The following TENM3 variants were observed in gnomAD, a reference collection of about 807,000 sequenced individuals.
TENM3 encodes teneurin transmembrane protein 3, also known as teneurin-3.
In TENM3, 63 loss-of-function variants were observed where a neutral mutation model predicts 255.1. That is an observed-to-expected ratio of 0.25 (90% CI 0.20 to 0.30). The LOEUF is 0.30. Among genes scored for constraint, TENM3 ranks in the 10% least tolerant of loss-of-function variants. The pLI, the probability that TENM3 is intolerant of heterozygous loss-of-function variation, is 1.00. For missense variants in TENM3, 2,929 were observed against 3,461.1 expected (o/e 0.85, Z 3.86); for synonymous variants, 1,306 against 1,322.3 (o/e 0.99, Z 0.27).
intron 3 of TENM3, among the ~76,000 whole-genome samples, chr4:182,389,324 A>C (rs2150970055): frequency 6.6e-6 from 1 of 152,146 alleles, no homozygotes; most frequent in African/African-American, 2.4e-5. Flanking sequence ...CAACTTATCA[A>C]AGCCAGCCCT....
the TENM3 span, among the ~76,000 whole-genome samples, chr4:181,599,003 C>G: frequency 6.6e-6 from 1 of 152,176 alleles, no homozygotes; most frequent in Non-Finnish European, 1.5e-5. Context: ...AACCAATGGA[C>G]AGTCTAACTA....
chr4:182,346,636 T>G lies in TENM3; in HGVS notation c.233-15T>G, dbSNP rs377396812. 1 of 1,610,798 alleles carries G rather than the reference T, an allele frequency of 6.2e-7. No homozygotes were observed. The highest frequency in any genetic ancestry group is 1.1e-5 in the South Asian group (1 of 90,834). ...ATATACTCACTAGTTGTTATCTTTT[T>G]TTCCCCCTAATTAGGACAGAATTTT... On this transcript the variant is annotated splice_polypyrimidine_tract_variant and intron_variant, in intron 2 of 27. Transcript: ENST00000511685.
At chr4:182,687,640 A>G (rs1348155847) in intron 11 of TENM3, among the ~76,000 whole-genome samples, 1 of 152,228 alleles carries the variant, frequency 6.6e-6, no homozygotes, top group Non-Finnish European at 1.5e-5. Context: ...AAGCTAATTT[A>G]CTTAAGTAGA....
the TENM3 span, among the ~76,000 whole-genome samples, chr4:181,612,445 C>T: frequency 2.6e-5 from 4 of 151,860 alleles, no homozygotes; most frequent in Non-Finnish European, 4.4e-5. Flanking sequence ...GTCATTAACA[C>T]CTAATTAGAA....
intron 3 of TENM3, among the ~76,000 whole-genome samples, chr4:182,500,230 G>A (rs1307728255): frequency 1.3e-5 from 2 of 152,110 alleles, no homozygotes; most frequent in Non-Finnish European, 2.9e-5. Context: ...ACAAAGAAGA[G>A]CTTTAAAAAG....
Position 182,789,500 on chromosome 4 carries a change from T to A in TENM3, c.5601+111T>A. 1 of 1,033,158 alleles carries A rather than the reference T, an allele frequency of 9.7e-7. No individual in the cohort carries two copies. The allele number at this position is 1,033,158 out of a possible 1,614,324, so 64.0% of individuals were successfully genotyped here. The stretch of plus-strand genomic sequence containing the variant: ...CAGTGGCACATGACTGAGTTCCATT[T>A]GTTATTCGAAGTATCAATACGGAAG... On this transcript the variant is annotated intron_variant, in intron 25 of 27. Coordinates refer to ENST00000511685, the MANE Select transcript of TENM3 (RefSeq NM_001080477.4). The surrounding 1 kb of genome is among the most constrained non-coding windows in gnomAD (Gnocchi z 4.4).
the TENM3 span, among the ~76,000 whole-genome samples, chr4:181,611,689 G>T: frequency 1.1e-4 from 16 of 152,296 alleles, no homozygotes; most frequent in Admixed American, 9.8e-4. Flanking sequence ...CAATTATAGA[G>T]TTATAATGAG....
the TENM3 span, among the ~76,000 whole-genome samples, chr4:182,072,268 C>T: frequency 6.6e-6 from 1 of 152,152 alleles, no homozygotes; most frequent in African/African-American, 2.4e-5. Flanking sequence ...ATAGCATAGA[C>T]ATTGTTCATG....
chr4:181,752,606 G>A, the TENM3 span, among the ~76,000 whole-genome samples: 32 of 152,128 alleles, frequency 2.1e-4, no homozygotes, highest in Non-Finnish European at 4.3e-4. Flanking sequence ...AAGGAAAGTA[G>A]TATTTATTAT....
At chr4:181,509,681 T>C in the TENM3 span, among the ~76,000 whole-genome samples, 1 of 152,182 alleles carries the variant, frequency 6.6e-6, no homozygotes, top group South Asian at 2.1e-4. Context: ...TGGAATGATT[T>C]CAGTTCTGGT....
chr4:182,708,253 C>T (rs1029149945), intron 12 of TENM3, among the ~76,000 whole-genome samples: 2 of 152,080 alleles, frequency 1.3e-5, no homozygotes, highest in Admixed American at 6.5e-5. Flanking sequence ...TTACCTACAG[C>T]GAGCAGGGCT....
chr4:182,755,683 C>CA (rs1278269281), intron 22 of TENM3, among the ~76,000 whole-genome samples: 2 of 151,486 alleles, frequency 1.3e-5, no homozygotes, highest in Non-Finnish European at 1.5e-5. Flanking sequence ...ACTAAAAATA[C>CA]AAAAAAAATA....
At chr4:182,297,265 T>C (rs1761553145) in intron 1 of TENM3, among the ~76,000 whole-genome samples, 1 of 152,200 alleles carries the variant, frequency 6.6e-6, no homozygotes, top group Non-Finnish European at 1.5e-5. Context: ...CAGGATTCAC[T>C]ATGCAGGTGA....
At chr4:181,518,333 G>T in the TENM3 span, among the ~76,000 whole-genome samples, 4 of 151,904 alleles carry the variant, frequency 2.6e-5, no homozygotes, top group African/African-American at 7.3e-5. Context: ...AATATAATTA[G>T]ATTTAGAATT....
At chr4:182,233,094 C>A (rs966256333) in intron 1 of TENM3, among the ~76,000 whole-genome samples, 1 of 152,138 alleles carries the variant, frequency 6.6e-6, no homozygotes, top group African/African-American at 2.4e-5. Flanking sequence ...AGAGGGGTCT[C>A]CAGGCTTCCA....
the TENM3 span, among the ~76,000 whole-genome samples, chr4:181,853,684 T>C: frequency 2.4e-3 from 360 of 152,322 alleles, 4 homozygotes; most frequent in Middle Eastern, 0.024. Flanking sequence ...CTGTTGACTA[T>C]ACACATGCTG....
intron 12 of TENM3, among the ~76,000 whole-genome samples, chr4:182,694,579 C>T (rs1165367178): frequency 6.6e-6 from 1 of 152,166 alleles, no homozygotes; most frequent in African/African-American, 2.4e-5. Flanking sequence ...ATCCTAATTC[C>T]TTTAAACTAC....
intron 15 of TENM3, 114 bp downstream of exon 15, chr4:182,730,433 T>G (rs1443171061): frequency 1.7e-6 from 2 of 1,195,424 alleles, no homozygotes; most frequent in Non-Finnish European, 2.3e-6. Context: ...AGCAACTTTT[T>G]AGACTCTACA....
chr4:182,130,716 A>G, the TENM3 span, among the ~76,000 whole-genome samples: 1 of 151,394 alleles, frequency 6.6e-6, no homozygotes, highest in South Asian at 2.1e-4. Context: ...TTGGATCTGG[A>G]CAGTTGGTAT....
Sources: gnomAD v4.1 joint callset for allele counts (sites outside exome capture counted in the v4.1 genomes callset) on GRCh38, gnomAD v4.1.1 for gene constraint, Gnocchi (gnomAD v3.1) non-coding constraint, MANE v1.5 for transcripts, NCBI Gene and HGNC (gene_info 2026-07-23, HGNC 2026-07-21) for gene names.